The following GPRC5A variants were observed in gnomAD, a reference collection of about 807,000 sequenced individuals.
GPRC5A encodes the protein G protein-coupled receptor class C group 5 member A, also known as retinoic acid-induced protein 3.
A neutral mutation model predicts 22.5 loss-of-function variants in GPRC5A; 19 were observed. That is an observed-to-expected ratio of 0.85 (90% CI 0.59 to 1.24). The LOEUF is 1.24. Ranked by LOEUF, GPRC5A falls within the 50% of genes most tolerant of loss-of-function variation. GPRC5A has a pLI of 0.00. For missense variants in GPRC5A, 471 were observed against 451.1 expected (o/e 1.04, Z -0.40); for synonymous variants, 192 against 184.5 (o/e 1.04, Z -0.33).
In GPRC5A at chr12:12,914,381, A is replaced by T. The variant is rs893478758; in HGVS notation, c.*1842A>T. 1 of 152,430 alleles carries T rather than the reference A, an allele frequency of 6.6e-6. No individual in the cohort carries two copies. The highest frequency in any genetic ancestry group is 2.4e-5 in the African/African-American group (1 of 41,458). The allele number at this position is 152,430 out of a possible 1,614,324, so 9.4% of individuals were successfully genotyped here. On this transcript the variant is annotated 3_prime_UTR_variant, in exon 4 of 4. Coordinates refer to ENST00000014914, the MANE Select transcript of GPRC5A (RefSeq NM_003979.4). ...TTGTACTGAAAAGGGGGAAGGACAC[A>T]TAGTGACACAGATCCTTCTGGTCTT...
intron 1 of GPRC5A, among the ~76,000 whole-genome samples, chr12:12,902,259 T>C (rs1239533789): frequency 6.6e-6 from 1 of 151,866 alleles, no homozygotes; most frequent in Non-Finnish European, 1.5e-5. Flanking sequence ...AGCTTAGGGA[T>C]GGGGTGGGGG....
intron 2 of GPRC5A, chr12:12,909,389 T>C (rs1863980309): frequency 3.9e-6 from 2 of 510,806 alleles, no homozygotes; most frequent in East Asian, 6.2e-5. Flanking sequence ...GAGTACTTTG[T>C]ACAATTGGTG....
At chr12:12,904,669 G>A (rs1201779046) in intron 1 of GPRC5A, among the ~76,000 whole-genome samples, 2 of 151,900 alleles carry the variant, frequency 1.3e-5, no homozygotes, top group Non-Finnish European at 2.9e-5. Flanking sequence ...TTAAAATTCG[G>A]GAAGATCGAT....
chr12:12,904,186 C>T (rs3782573), intron 1 of GPRC5A, among the ~76,000 whole-genome samples: 4 of 152,270 alleles, frequency 2.6e-5, no homozygotes, highest in South Asian at 2.1e-4. Flanking sequence ...TCCACATTCA[C>T]GGTGTAGCCT....
At chr12:12,900,923 A>C (rs113629527) in intron 1 of GPRC5A, among the ~76,000 whole-genome samples, 4,439 of 109,284 alleles carry the variant, frequency 0.041, 478 homozygotes, top group East Asian at 0.31. Context: ...ACAAAAAAAA[A>C]ACAACCCAGA....
intron 1 of GPRC5A, among the ~76,000 whole-genome samples, chr12:12,901,957 T>C (rs1183177341): frequency 6.6e-6 from 1 of 152,226 alleles, no homozygotes; most frequent in African/African-American, 2.4e-5. Flanking sequence ...GCTCTAGCCC[T>C]TTGCTCCTCT....
intron 2 of GPRC5A, among the ~76,000 whole-genome samples, chr12:12,910,058 G>C (rs1232565606): frequency 2.0e-5 from 3 of 151,008 alleles, no homozygotes; most frequent in African/African-American, 7.3e-5. Flanking sequence ...TGGCCAGAAA[G>C]TACTCCTGCT....
chr12:12,899,162 G>T (rs1306068665), intron 1 of GPRC5A, among the ~76,000 whole-genome samples: 1 of 152,138 alleles, frequency 6.6e-6, no homozygotes, highest in Non-Finnish European at 1.5e-5. Context: ...CGAGTAGGGG[G>T]ATCACAGGTG....
intron 1 of GPRC5A, among the ~76,000 whole-genome samples, chr12:12,907,601 A>C (rs1863956348): frequency 6.6e-6 from 1 of 152,140 alleles, no homozygotes; most frequent in African/African-American, 2.4e-5. Context: ...AAAAAATATC[A>C]GGAACCCTGG....
intron 1 of GPRC5A, among the ~76,000 whole-genome samples, chr12:12,898,392 G>T (rs1218824221): frequency 1.3e-5 from 2 of 152,138 alleles, no homozygotes; most frequent in Non-Finnish European, 2.9e-5. Context: ...AAAGTAGCTA[G>T]ATGTGGTGGT....
rs1863967210 is a variant in GPRC5A, at chr12:12,908,537, A to G, written c.288A>G (p.Thr96=). 2 of 1,614,000 alleles carry G rather than the reference A, an allele frequency of 1.2e-6. No individual in the cohort carries two copies. The highest frequency in any genetic ancestry group is 1.7e-6 in the Non-Finnish European group (2 of 1,180,008). ...GACTGGACGGGAGCACAGGGCCCAC[A>G]CGCTTCTTCCTCTTTGGGATCCTCT... is the stretch of plus-strand genomic sequence containing the variant. The part of the protein sequence containing the change: ...IIGLDGSTGP[T]RFFLFGILFS... The change falls in exon 2 of 4, where the codon ACA becomes ACG. Residue 96 remains threonine (T), a synonymous_variant. Transcript: ENST00000014914.
rs146219111 is a variant in GPRC5A, at chr12:12,904,884, GTTTT to G, written c.-7-3343_-7-3340del. On this transcript the variant is annotated intron_variant, in intron 1 of 3. Coordinates refer to ENST00000014914, the MANE Select transcript of GPRC5A (RefSeq NM_003979.4). ...TTCTAGTGGAAAAGAAAATTTTGTG[GTTTT>G]TTTTTTTTTTTTTTTGAGATGGAAT... 1.4e-3 allele frequency among the ~76,000 whole-genome samples: 175 copies of G among 127,276 alleles called. 2 individuals are homozygous for G. The highest frequency in any genetic ancestry group is 3.6e-3 in the African/African-American group (121 of 33,256). 83.5% of individuals were successfully genotyped at this position (127,276 alleles called of 152,430 possible).
chr12:12,906,192 C>A (rs147974807), intron 1 of GPRC5A, among the ~76,000 whole-genome samples: 2,118 of 152,252 alleles, frequency 0.014, 18 homozygotes, highest in Middle Eastern at 0.044. Context: ...CCTCAGTTTC[C>A]TCATCTGTAA....
chr12:12,899,377 C>T (rs1157572322), intron 1 of GPRC5A, among the ~76,000 whole-genome samples: 1 of 152,036 alleles, frequency 6.6e-6, no homozygotes, highest in African/African-American at 2.4e-5. Flanking sequence ...CAAGCCAATG[C>T]TTGAATATAT....
rs775806414 is a variant in GPRC5A, at chr12:12,905,407, G to T, written c.-7-2836G>T. Among the ~76,000 whole-genome samples the T allele has an allele frequency of 1.2e-4, 18 of 151,830 alleles. 1 individual carries two copies. The highest frequency in any genetic ancestry group is 8.8e-5 in the Non-Finnish European group (6 of 68,024). On this transcript the variant is annotated intron_variant, in intron 1 of 3. Transcript: ENST00000014914. Reference sequence around the variant, plus strand: ...CTGCAACATAGTTCTCTTCTAGTCCGTTCAAAACTTTTTATTGCCACGTGA... The same window carrying T: ...CTGCAACATAGTTCTCTTCTAGTCCTTTCAAAACTTTTTATTGCCACGTGA...
intron 1 of GPRC5A, among the ~76,000 whole-genome samples, chr12:12,896,083 C>T (rs563666764): frequency 2.5e-4 from 37 of 150,304 alleles, no homozygotes; most frequent in African/African-American, 8.1e-4. Context: ...TCTTTGAATT[C>T]GGGCATAAGA....
In GPRC5A at chr12:12,915,157, A is replaced by G. The variant is rs1485390996; in HGVS notation, c.*2618A>G. On this transcript the variant is annotated 3_prime_UTR_variant, in exon 4 of 4. Coordinates refer to ENST00000014914, the MANE Select transcript of GPRC5A (RefSeq NM_003979.4). ...TGCCTCAGTCTCCTGAGTAGCTGGG[A>G]CCACAGACGTGCACTACCACACTTG... The G allele has an allele frequency of 6.6e-6, 1 of 151,320 alleles. No individual in the cohort carries two copies. The highest frequency in any genetic ancestry group is 6.6e-5 in the Admixed American group (1 of 15,104). The allele number at this position is 151,320 out of a possible 1,614,324, so 9.4% of individuals were successfully genotyped here.
intron 1 of GPRC5A, among the ~76,000 whole-genome samples, chr12:12,906,295 C>T (rs201747860): frequency 1.3e-5 from 2 of 152,282 alleles, no homozygotes; most frequent in African/African-American, 2.4e-5. Context: ...CGAGGCTGGG[C>T]GGGGTGACTC....
intron 1 of GPRC5A, among the ~76,000 whole-genome samples, chr12:12,904,732 A>G (rs1384971590): frequency 6.6e-6 from 1 of 152,090 alleles, no homozygotes; most frequent in Admixed American, 6.6e-5. Flanking sequence ...TCGTGATAAT[A>G]TATATTCACA....
Sources: gnomAD v4.1 joint callset for allele counts (sites outside exome capture counted in the v4.1 genomes callset) on GRCh38, gnomAD v4.1.1 for gene constraint, MANE v1.5 for transcripts, NCBI Gene and HGNC (gene_info 2026-07-23, HGNC 2026-07-21) for gene names.